LRBA: variants seen among roughly 807,000 people sequenced by gnomAD.
LRBA encodes the protein LPS responsive beige-like anchor protein, also known as lipopolysaccharide-responsive and beige-like anchor protein.
LRBA carries 176 observed loss-of-function variants against 330.0 expected under a neutral mutation model. The observed-to-expected ratio is 0.53, with a 90% CI of 0.47 to 0.60. LRBA has a LOEUF of 0.60. LRBA is among the 20% of genes least tolerant of loss of function. LRBA has a pLI of 0.00. For missense variants in LRBA, 3,259 were observed against 3,444.8 expected (o/e 0.95, Z 1.35); for synonymous variants, 1,230 against 1,193.0 (o/e 1.03, Z -0.64).
At chr4:150,563,624 T>C (rs1768687073) in intron 40 of LRBA, among the ~76,000 whole-genome samples, 1 of 152,182 alleles carries the variant, frequency 6.6e-6, no homozygotes, top group Admixed American at 6.5e-5. Flanking sequence ...TGATTGTATA[T>C]GTAGAAAACC....
intron 17 of LRBA, among the ~76,000 whole-genome samples, chr4:150,876,518 G>A (rs988255134): frequency 2.6e-5 from 4 of 152,226 alleles, no homozygotes; most frequent in African/African-American, 9.6e-5. Context: ...AGACTTCTTG[G>A]CAGAAACCAC....
At chr4:151,014,062 AG>A (rs1745148783) in intron 2 of LRBA, 1 of 169,110 alleles carries the variant, frequency 5.9e-6, no homozygotes, top group Non-Finnish European at 1.3e-5. Context: ...GTCCAAAAAA[AG>A]GTCACAAGAA....
intron 22 of LRBA, among the ~76,000 whole-genome samples, chr4:150,864,141 T>C (rs1752375283): frequency 6.6e-6 from 1 of 152,098 alleles, no homozygotes; most frequent in Admixed American, 6.5e-5. Context: ...TTTCACCATG[T>C]TGGCCAGGAT....
At position 150,844,257 on chromosome 4, in the gene LRBA, T is replaced by C. The variant is rs202038328; in HGVS notation, c.4462-50A>G. 26 of 874,852 alleles carry C rather than the reference T, an allele frequency of 3.0e-5. No individual in the cohort carries two copies. In the East Asian group the frequency reaches 6.4e-4, roughly 22 times the overall value. The allele number at this position is 874,852 out of a possible 1,614,324, so 54.2% of individuals were successfully genotyped here. On this transcript the variant is annotated intron_variant, in intron 27 of 56. Transcript: ENST00000651943. Reference sequence around the variant, plus strand: ...TATATATATATATTCATATATACATTACACAGATATTCTTTAAAAATAAAC... The same window carrying C: ...TATATATATATATTCATATATACATCACACAGATATTCTTTAAAAATAAAC...
rs375081905 is a variant in LRBA at position 150,683,575 on chromosome 4, C to A, written c.5897G>T (p.Gly1966Val). ...CCTCACTGCAGAATTTCCCCAGGCT[C>A]CATGCTTGTCTGTGAGAATGTTGAT... ...KIINILTDKH[G>V]AWGNSAVSRP... Residue 1966 changes from glycine to valine, a missense_variant, in exon 37 of 57, where the codon GGA (glycine) becomes GTA (valine). Gly to Val is a moderately radical substitution (Grantham distance 109). Transcript: ENST00000651943. 2 of 1,613,812 alleles carry A rather than the reference C, an allele frequency of 1.2e-6. No individual in the cohort carries two copies. The highest frequency in any genetic ancestry group is 8.5e-7 in the Non-Finnish European group (1 of 1,179,920).
intron 53 of LRBA, among the ~76,000 whole-genome samples, chr4:150,296,349 G>A (rs1175924436): frequency 6.6e-6 from 1 of 152,140 alleles, no homozygotes; most frequent in East Asian, 1.9e-4. Context: ...CAACAGTCAT[G>A]CAGCCTTAAG....
chr4:150,873,328 C>T lies in LRBA; in HGVS notation c.2166-573G>A, dbSNP rs147473951. Among the ~76,000 whole-genome samples, 764 of 152,208 alleles carry T rather than the reference C, an allele frequency of 5.0e-3. 7 individuals carry two copies. Among genetic ancestry groups the T allele is most frequent in the African/African-American group, 0.017 (726 of 41,538 alleles). On this transcript the variant is annotated intron_variant, in intron 17 of 56. Coordinates refer to ENST00000651943, the MANE Select transcript of LRBA (RefSeq NM_001364905.1). ...TGAGGCAGCTGGATGCAGTGGCTCA[C>T]GTCTGTAATCCCAGCAGTTTGGGAG... is the stretch of plus-strand genomic sequence containing the variant.
At chr4:150,617,970 G>A (rs1170503379) in intron 37 of LRBA, among the ~76,000 whole-genome samples, 1 of 152,064 alleles carries the variant, frequency 6.6e-6, no homozygotes, top group Non-Finnish European at 1.5e-5. Context: ...TGAGTGAGAT[G>A]GTGCGAGCCT....
At chr4:151,008,267 G>C (rs980229040) in intron 2 of LRBA, among the ~76,000 whole-genome samples, 1 of 151,862 alleles carries the variant, frequency 6.6e-6, no homozygotes, top group Non-Finnish European at 1.5e-5. Flanking sequence ...TTTTAGTAGA[G>C]ACCAGGTTTA....
chr4:150,802,200 T>C (rs1043742611), intron 33 of LRBA, among the ~76,000 whole-genome samples: 7 of 139,350 alleles, frequency 5.0e-5, no homozygotes, highest in Non-Finnish European at 7.6e-5. Context: ...AGTCTGGGTG[T>C]AGGAGTGAGA....
At chr4:150,421,891 G>T (rs1323351175) in intron 46 of LRBA, among the ~76,000 whole-genome samples, 1 of 151,536 alleles carries the variant, frequency 6.6e-6, no homozygotes, top group Middle Eastern at 3.4e-3. Flanking sequence ...GAAATAAGGG[G>T]GAAAAAAAAT....
intron 40 of LRBA, among the ~76,000 whole-genome samples, chr4:150,509,576 A>T (rs1040232918): frequency 5.3e-5 from 8 of 152,184 alleles, no homozygotes; most frequent in African/African-American, 1.7e-4. Context: ...ACCAAAAAAA[A>T]AAAAGAGAGA....
intron 34 of LRBA, among the ~76,000 whole-genome samples, chr4:150,775,119 C>T (rs1393054923): frequency 6.6e-6 from 1 of 152,104 alleles, no homozygotes; most frequent in Non-Finnish European, 1.5e-5. Flanking sequence ...ACTCCCAATG[C>T]GTTCAGGTTT....
At chr4:150,495,530 G>T (rs1221680959) in intron 40 of LRBA, among the ~76,000 whole-genome samples, 1 of 152,064 alleles carries the variant, frequency 6.6e-6, no homozygotes, top group Non-Finnish European at 1.5e-5. Flanking sequence ...ACAGAAACTA[G>T]CAATCTCTTA....
At chr4:150,414,585 G>A (rs1747463878) in intron 47 of LRBA, among the ~76,000 whole-genome samples, 1 of 152,074 alleles carries the variant, frequency 6.6e-6, no homozygotes, top group African/African-American at 2.4e-5. Context: ...CTGCCTCCCA[G>A]GTTCAAGCGA....
At chr4:150,350,318 T>A (rs1384772362) in intron 47 of LRBA, among the ~76,000 whole-genome samples, 159 bp from the exon 48 acceptor site, 2 of 152,206 alleles carry the variant, frequency 1.3e-5, no homozygotes, top group African/African-American at 4.8e-5. Context: ...ACGCCTATAA[T>A]CCCAGCACTC....
chr4:150,840,076 T>G (rs933581802), intron 28 of LRBA, among the ~76,000 whole-genome samples: 1 of 152,190 alleles, frequency 6.6e-6, no homozygotes, highest in Non-Finnish European at 1.5e-5. Context: ...GCTTCCTCAC[T>G]TCTCTCGGCC....
rs147858409 is a variant in LRBA at position 150,852,866 on chromosome 4, C to G, written c.2844G>C (p.Gly948=). 33 of 1,610,678 alleles carry G rather than the reference C, an allele frequency of 2.0e-5. No homozygotes were observed. In the African/African-American group the frequency reaches 4.3e-4, roughly 21 times the overall value. The change falls in exon 23 of 57, where the codon GGG becomes GGC. Residue 948 remains glycine (G), a synonymous_variant. Transcript: ENST00000651943. ...EQQGKVDEEI[G]LCSSTSVQAA... is the part of the protein sequence containing the mutation. Reference sequence around the variant, plus strand: ...CTTGAACTGAAGTTGAAGAACACAGCCCTATTTCTTCATCAACTTTTCCTT... The same window carrying G: ...CTTGAACTGAAGTTGAAGAACACAGGCCTATTTCTTCATCAACTTTTCCTT...
chr4:150,805,592 AAAGGAAAGGAAAAGAAAGGAAAG>A (rs1742646750), intron 33 of LRBA, among the ~76,000 whole-genome samples: 1 of 135,910 alleles, frequency 7.4e-6, no homozygotes, highest in African/African-American at 3.1e-5. Context: ...AAAGGAAAGG[AAAGGAAAGGAAAAGAAAGGAAAG>A]GAAAGGAAAG....
Sources: gnomAD v4.1 joint callset for allele counts (sites outside exome capture counted in the v4.1 genomes callset) on GRCh38, gnomAD v4.1.1 for gene constraint, MANE v1.5 for transcripts, NCBI Gene and HGNC (gene_info 2026-07-23, HGNC 2026-07-21) for gene names.